Variants in GRIK2 observed in about 807,000 individuals in gnomAD.
GRIK2 encodes the protein glutamate receptor ionotropic, kainate 2.
GRIK2 carries 32 observed loss-of-function variants against 100.3 expected under a neutral mutation model. That is an observed-to-expected ratio of 0.32 (90% confidence interval 0.24 to 0.43). GRIK2 has a LOEUF of 0.43. GRIK2 is among the 20% of genes least tolerant of loss of function. The pLI is 1.00. For synonymous variants in GRIK2, 417 were observed against 389.4 expected, an observed-to-expected ratio of 1.07 and a Z score of -0.83; for missense variants, 843 against 1,114.9, an observed-to-expected ratio of 0.76 and a Z score of 3.47.
intron 2 of GRIK2, among the ~76,000 whole-genome samples, chr6:101,597,028 GTACATA>G (rs1272567437): frequency 6.6e-6 from 1 of 151,750 alleles, no homozygotes; most frequent in Non-Finnish European, 1.5e-5. Flanking sequence ...AGAAAATATG[GTACATA>G]TACAACATAA....
At chr6:101,909,029 A>C (rs1788445603) in intron 12 of GRIK2, among the ~76,000 whole-genome samples, 1 of 151,336 alleles carries the variant, frequency 6.6e-6, no homozygotes, top group South Asian at 2.1e-4. Context: ...CAAAAAAATA[A>C]TTTTAAACAG....
intron 2 of GRIK2, among the ~76,000 whole-genome samples, chr6:101,594,249 G>C (rs1022253045): frequency 6.6e-6 from 1 of 151,804 alleles, no homozygotes; most frequent in African/African-American, 2.4e-5. Flanking sequence ...CTCAACATAG[G>C]AAAGTCAATG....
At chr6:101,771,996 G>A (rs192840737) in intron 7 of GRIK2, among the ~76,000 whole-genome samples, 1 of 152,146 alleles carries the variant, frequency 6.6e-6, no homozygotes, top group African/African-American at 2.4e-5. Context: ...ATAAACATAC[G>A]TGTGCATGTG....
Position 101,577,584 on chromosome 6 carries a change from T to A in GRIK2, c.116-44365T>A, listed in dbSNP as rs560683664. On this transcript the variant is annotated intron_variant, in intron 2 of 16. Transcript: ENST00000369134. ...TCAAGTATTTTACAAAAATAGTCAATAAAACAAGAGTGTTGGCTATTTAGA... is the reference window on the plus strand; with the variant it reads ...TCAAGTATTTTACAAAAATAGTCAAAAAAACAAGAGTGTTGGCTATTTAGA... 3.5e-4 allele frequency among the ~76,000 whole-genome samples: 53 copies of A among 152,106 alleles called. 2 individuals carry two copies. The highest frequency in any genetic ancestry group is 2.6e-4 in the Admixed American group (4 of 15,268).
Position 101,910,802 on chromosome 6 carries a change from A to G in GRIK2, c.1749-13799A>G, listed in dbSNP as rs1361134556. Among the ~76,000 whole-genome samples the G allele has an allele frequency of 3.1e-4, 46 of 148,760 alleles. No individual in the cohort carries two copies. In the Admixed American group the frequency reaches 3.1e-3, roughly 10 times the overall value. On this transcript the variant is annotated intron_variant, in intron 12 of 16. Transcript: ENST00000369134. ...ACAGGAAAAGAATTAGGTGACTATA[A>G]CTAAAGGGGGTCACAGTAAAATAAT...
chr6:101,551,060 A>G (rs1467654525), intron 2 of GRIK2, among the ~76,000 whole-genome samples: 1 of 152,180 alleles, frequency 6.6e-6, no homozygotes. Flanking sequence ...TTCTGCAAAG[A>G]TTGGCAGCTA....
chr6:102,048,303 T>C (rs1485301305), intron 15 of GRIK2, among the ~76,000 whole-genome samples: 1 of 151,962 alleles, frequency 6.6e-6, no homozygotes, highest in East Asian at 1.9e-4. Context: ...AGTTGGGCAA[T>C]ATTTTTTTAG....
intron 4 of GRIK2, among the ~76,000 whole-genome samples, chr6:101,670,684 T>C (rs1354218634): frequency 6.6e-6 from 1 of 152,192 alleles, no homozygotes; most frequent in Non-Finnish European, 1.5e-5. Flanking sequence ...TGTTTTTTAA[T>C]TCTAATGTTA....
chr6:101,919,622 A>G (rs1486921688), intron 12 of GRIK2, among the ~76,000 whole-genome samples: 1 of 151,838 alleles, frequency 6.6e-6, no homozygotes, highest in Non-Finnish European at 1.5e-5. Context: ...ATCAGTATAG[A>G]AGTTAAAGTC....
At chr6:101,865,033 C>G in intron 11 of GRIK2, among the ~76,000 whole-genome samples, 1 of 152,030 alleles carries the variant, frequency 6.6e-6, no homozygotes, top group East Asian at 1.9e-4. Context: ...GTGCATCGGG[C>G]AATAAATGCT....
At chr6:102,025,752 G>A (rs1268886813) in intron 14 of GRIK2, among the ~76,000 whole-genome samples, 6 of 151,236 alleles carry the variant, frequency 4.0e-5, no homozygotes, top group Non-Finnish European at 7.4e-5. Flanking sequence ...CAGGGGTCAT[G>A]TTTTGTTTTT....
intron 14 of GRIK2, among the ~76,000 whole-genome samples, chr6:101,969,681 T>C (rs1243238852): frequency 1.3e-5 from 2 of 152,102 alleles, no homozygotes; most frequent in South Asian, 2.1e-4. Flanking sequence ...TAATGCATAA[T>C]ATTTAATCCA....
At chr6:101,869,891 A>T (rs1374942378) in intron 11 of GRIK2, among the ~76,000 whole-genome samples, 1 of 151,834 alleles carries the variant, frequency 6.6e-6, no homozygotes, top group Non-Finnish European at 1.5e-5. Flanking sequence ...TCTATTGTGC[A>T]TGCCTAGGCT....
At chr6:101,462,624 T>A (rs1771386437) in intron 2 of GRIK2, among the ~76,000 whole-genome samples, 1 of 152,218 alleles carries the variant, frequency 6.6e-6, no homozygotes, top group Non-Finnish European at 1.5e-5. Context: ...CTTTTATCTG[T>A]GCTCCTGGGA....
chr6:101,890,610 T>C (rs1346930977), intron 12 of GRIK2, among the ~76,000 whole-genome samples: 1 of 151,978 alleles, frequency 6.6e-6, no homozygotes, highest in Non-Finnish European at 1.5e-5. Flanking sequence ...GAAAAATATA[T>C]AAATTTTATA....
At chr6:101,940,342 T>C (rs376890036) in intron 14 of GRIK2, among the ~76,000 whole-genome samples, 1 of 152,136 alleles carries the variant, frequency 6.6e-6, no homozygotes, top group African/African-American at 2.4e-5. Context: ...AAGTGGCCCT[T>C]TCATTGATTT....
intron 2 of GRIK2, among the ~76,000 whole-genome samples, chr6:101,407,536 A>C (rs1236890118): frequency 6.6e-6 from 1 of 151,994 alleles, no homozygotes. Flanking sequence ...AAATGTGTCT[A>C]CTTTGTTTCC....
intron 2 of GRIK2, among the ~76,000 whole-genome samples, chr6:101,529,306 T>C (rs1775305349): frequency 6.6e-6 from 1 of 152,080 alleles, no homozygotes; most frequent in Non-Finnish European, 1.5e-5. Flanking sequence ...AGAGGAATGA[T>C]AGCTAAATGA....
intron 16 of GRIK2, among the ~76,000 whole-genome samples, chr6:102,058,320 G>A (rs1289605330): frequency 1.3e-5 from 2 of 151,532 alleles, no homozygotes; most frequent in East Asian, 1.9e-4. Context: ...AGTGCCTGGT[G>A]GCATAATATC....
Sources: allele counts gnomAD v4.1 joint callset (sites outside exome capture counted in the v4.1 genomes callset), GRCh38; gene constraint gnomAD v4.1.1; transcripts MANE v1.5; gene names NCBI Gene and HGNC (gene_info 2026-07-23, HGNC 2026-07-21).